The following B3GALT1 variants were observed in gnomAD, a reference collection of about 807,000 sequenced individuals.
B3GALT1 encodes the protein UDP-Gal:betaGlcNAc beta 1,3-galactosyltransferase, polypeptide 1.
In B3GALT1, 10 loss-of-function variants were observed where a neutral mutation model predicts 23.2. The observed-to-expected ratio is 0.43, with a 90% confidence interval of 0.27 to 0.73. The LOEUF (loss-of-function observed/expected upper bound fraction) is 0.73. Ranked by LOEUF, B3GALT1 falls within the 30% of genes least tolerant of loss-of-function variation. B3GALT1 has a pLI of 0.21. For missense variants in B3GALT1, 299 were observed against 405.4 expected (o/e 0.74, Z 2.25); for synonymous variants, 156 against 141.5 (o/e 1.10, Z -0.73).
intron 1 of B3GALT1, among the ~76,000 whole-genome samples, chr2:167,432,671 GA>G (rs1490902241): frequency 6.6e-6 from 1 of 152,124 alleles, no homozygotes; most frequent in African/African-American, 2.4e-5. Context: ...CTCCACCTTT[GA>G]AAAACTCAAA....
chr2:167,718,639 A>G (rs1324250772), intron 3 of B3GALT1, among the ~76,000 whole-genome samples: 1 of 152,220 alleles, frequency 6.6e-6, no homozygotes, highest in Non-Finnish European at 1.5e-5. Flanking sequence ...CAAGGCCTTC[A>G]AAATTGAAGA....
At chr2:167,562,144 G>T (rs1298277507) in intron 2 of B3GALT1, among the ~76,000 whole-genome samples, 1 of 152,136 alleles carries the variant, frequency 6.6e-6, no homozygotes, top group East Asian at 1.9e-4. Flanking sequence ...ATGCAAGGCT[G>T]GTTCAATATA....
At chr2:167,506,006 G>A (rs1207069671) in intron 2 of B3GALT1, among the ~76,000 whole-genome samples, 1 of 152,088 alleles carries the variant, frequency 6.6e-6, no homozygotes, top group Non-Finnish European at 1.5e-5. Context: ...GATGCAGTGA[G>A]CCAAGATCGT....
chr2:167,463,708 T>A, intron 1 of B3GALT1, among the ~76,000 whole-genome samples: 1 of 152,186 alleles, frequency 6.6e-6, no homozygotes, highest in East Asian at 1.9e-4. Context: ...ATTTCCAAAG[T>A]ACTCCAGGAG....
At chr2:167,829,486 GAAAAAAAAAAAGAAAAGAAGAAGAAAGA>G (rs1689298242) in intron 4 of B3GALT1, among the ~76,000 whole-genome samples, 1 of 123,794 alleles carries the variant, frequency 8.1e-6, no homozygotes, top group South Asian at 2.5e-4. Context: ...CCATCTCAAG[GAAAAAAAAAAAGAAAAGAAGAAGAAAGA>G]AAAAAAAATA....
chr2:167,465,261 G>A (rs1374337344), intron 1 of B3GALT1, among the ~76,000 whole-genome samples: 1 of 152,034 alleles, frequency 6.6e-6, no homozygotes, highest in East Asian at 1.9e-4. Context: ...GTTGCCCATG[G>A]TGGAATACAG....
intron 1 of B3GALT1, among the ~76,000 whole-genome samples, chr2:167,306,143 TTGA>T (rs1696548817): frequency 6.6e-6 from 1 of 152,070 alleles, no homozygotes. Context: ...TTTGAAGATG[TTGA>T]TGAATGTATT....
In B3GALT1 at chr2:167,870,137, G is replaced by C; in HGVS notation, c.*117G>C. The stretch of plus-strand genomic sequence containing the variant: ...GGTGAAGGGGTTTTGTAAAGTTTTT[G>C]CTTCCTGCTATAAGTTCTTTTCTTG... On this transcript the variant is annotated 3_prime_UTR_variant, in exon 5 of 5. Coordinates refer to ENST00000392690, the MANE Select transcript of B3GALT1 (RefSeq NM_020981.4). 2 of 1,111,178 alleles carry C rather than the reference G, an allele frequency of 1.8e-6. No individual in the cohort carries two copies. The highest frequency in any genetic ancestry group is 2.5e-6 in the Non-Finnish European group (2 of 801,852). 68.8% of individuals were successfully genotyped at this position (1,111,178 alleles called of 1,614,324 possible). A position where few individuals can be genotyped will look rare whatever the true frequency, so the allele number is the denominator to read the frequency against.
chr2:167,727,095 G>C (rs914291594), intron 3 of B3GALT1, among the ~76,000 whole-genome samples: 1 of 147,268 alleles, frequency 6.8e-6, no homozygotes, highest in African/African-American at 2.5e-5. Context: ...CCAGTACAAG[G>C]CATCTTTACT....
chr2:167,397,558 G>A (rs57979918), intron 1 of B3GALT1, among the ~76,000 whole-genome samples: 15,390 of 152,002 alleles, frequency 0.1, 934 homozygotes, highest in African/African-American at 0.18. Flanking sequence ...CAGATTCTTG[G>A]ACACTGGGGG....
At chr2:167,337,548 T>A (rs73017745) in intron 1 of B3GALT1, among the ~76,000 whole-genome samples, 2,704 of 152,240 alleles carry the variant, frequency 0.018, 87 homozygotes, top group African/African-American at 0.062. Context: ...CTGAAATAGA[T>A]TTGTGTATTC....
At chr2:167,780,363 AG>A (rs1197183365) in intron 3 of B3GALT1, among the ~76,000 whole-genome samples, 2 of 152,208 alleles carry the variant, frequency 1.3e-5, no homozygotes, top group Non-Finnish European at 2.9e-5. Flanking sequence ...AATCAACTTT[AG>A]TAATCATAAG....
At chr2:167,507,947 C>T (rs1699946225) in intron 2 of B3GALT1, among the ~76,000 whole-genome samples, 1 of 152,130 alleles carries the variant, frequency 6.6e-6, no homozygotes, top group Non-Finnish European at 1.5e-5. Context: ...GGCTGGAAGT[C>T]CAAGATCAGA....
At chr2:167,727,408 C>A (rs1687335149) in intron 3 of B3GALT1, among the ~76,000 whole-genome samples, 1 of 152,190 alleles carries the variant, frequency 6.6e-6, no homozygotes, top group Admixed American at 6.6e-5. Context: ...AGATAATACG[C>A]ATTGGCTCCT....
intron 4 of B3GALT1, among the ~76,000 whole-genome samples, chr2:167,852,402 C>T (rs1689919307): frequency 6.6e-6 from 1 of 151,878 alleles, no homozygotes; most frequent in South Asian, 2.1e-4. Context: ...CAGTTGACAA[C>T]CATTCATCAC....
chr2:167,865,946 C>A (rs908339731), intron 4 of B3GALT1, among the ~76,000 whole-genome samples: 3 of 152,144 alleles, frequency 2.0e-5, no homozygotes, highest in African/African-American at 7.2e-5. Flanking sequence ...CACCATCTGA[C>A]CCCTGCTAAT....
rs555464275 is a variant in B3GALT1 at position 167,666,333 on chromosome 2, G to T, written c.-352+19367G>T. ...TGAAAGACAGTTTGTTATAATTTCTGTTCTTTTACATTTGCTAAGGAGAGC... is the reference window on the plus strand; with the variant it reads ...TGAAAGACAGTTTGTTATAATTTCTTTTCTTTTACATTTGCTAAGGAGAGC... On this transcript the variant is annotated intron_variant, in intron 3 of 4. Coordinates refer to ENST00000392690, the MANE Select transcript of B3GALT1 (RefSeq NM_020981.4). 3.9e-5 allele frequency among the ~76,000 whole-genome samples: 6 copies of T among 152,262 alleles called. No homozygotes were observed. In the East Asian group the frequency reaches 9.7e-4, roughly 24 times the overall value.
intron 1 of B3GALT1, among the ~76,000 whole-genome samples, chr2:167,448,560 G>A (rs576821966): frequency 2.6e-5 from 4 of 152,180 alleles, no homozygotes; most frequent in Admixed American, 2.6e-4. Context: ...TCACTCTGTG[G>A]TTTGTCTGTT....
chr2:167,619,927 A>G (rs891053704), intron 2 of B3GALT1, among the ~76,000 whole-genome samples: 1 of 152,186 alleles, frequency 6.6e-6, no homozygotes, highest in African/African-American at 2.4e-5. Flanking sequence ...TTTAGTAAGA[A>G]TGATAAACAT....
Sources: gnomAD v4.1 joint callset for allele counts (sites outside exome capture counted in the v4.1 genomes callset) on GRCh38, gnomAD v4.1.1 for gene constraint, MANE v1.5 for transcripts, NCBI Gene and HGNC (gene_info 2026-07-23, HGNC 2026-07-21) for gene names.